Variants in OR1S1 observed in about 807,000 individuals in gnomAD.
OR1S1 encodes the protein olfactory receptor 1S1.
For synonymous variants in OR1S1, 156 were observed against 143.9 expected (o/e 1.08, Z -0.60); for missense variants, 411 against 367.5 (o/e 1.12, Z -0.97).
intron 1 of OR1S1, among the ~76,000 whole-genome samples, chr11:58,214,453 T>C (rs1470887811): frequency 6.6e-6 from 1 of 152,206 alleles, no homozygotes; most frequent in Non-Finnish European, 1.5e-5. Context: ...ATATAACATG[T>C]TTAGAATATA....
rs183774870 is a variant in OR1S1, at chr11:58,215,932, G to A, written c.*210G>A. ...CCATGGTAAGTCACAAGAATAACAC[G>A]CATCCTTAGAGAGTAGATTGGTGGT... On this transcript the variant is annotated 3_prime_UTR_variant, in exon 2 of 2. Transcript: ENST00000641544. The A allele has an allele frequency of 3.5e-4, 211 of 596,182 alleles. No homozygotes were observed. The African/African-American group carries it at 3.5e-3, about 10-fold the overall frequency. 36.9% of individuals were successfully genotyped at this position (596,182 alleles called of 1,614,324 possible).
exon 2 of OR1S1, chr11:58,214,843 G>C (rs1452731987): frequency 4.3e-6 from 7 of 1,614,042 alleles, no homozygotes; most frequent in Middle Eastern, 1.6e-4. Flanking sequence ...TTTTCAAGCA[G>C]GATGAGCATC....
At chr11:58,213,603 C>T (rs1210345420) in intron 1 of OR1S1, among the ~76,000 whole-genome samples, 3 of 152,156 alleles carry the variant, frequency 2.0e-5, no homozygotes, top group African/African-American at 7.2e-5. Flanking sequence ...TTGTTTTAGT[C>T]ATTTTGGTCT....
intron 1 of OR1S1, 108 bp downstream of exon 1, chr11:58,212,945 G>T (rs1854974511): frequency 6.6e-6 from 1 of 152,212 alleles, no homozygotes; most frequent in Non-Finnish European, 1.5e-5. Flanking sequence ...GTAACCACAG[G>T]CCGGTCTGTA....
chr11:58,214,877 T>C (rs1338626298), exon 2 of OR1S1: 2 of 1,614,092 alleles, frequency 1.2e-6, no homozygotes, highest in Admixed American at 3.3e-5. Context: ...TGTGCTTTTC[T>C]TGGGTATGTA....
exon 2 of OR1S1, chr11:58,214,881 G>T (rs149806776): frequency 1.2e-6 from 2 of 1,613,894 alleles, no homozygotes; most frequent in African/African-American, 2.7e-5. Flanking sequence ...CTTTTCTTGG[G>T]TATGTACCTG....
intron 1 of OR1S1, among the ~76,000 whole-genome samples, chr11:58,214,292 A>T (rs1003200946): frequency 2.0e-5 from 3 of 152,216 alleles, no homozygotes; most frequent in Admixed American, 6.5e-5. Context: ...ACAATGGTGT[A>T]CACTGCCATA....
At chr11:58,215,289 G>A (rs1279580768) in exon 2 of OR1S1, 1 of 1,613,310 alleles carries the variant, frequency 6.2e-7, no homozygotes, top group East Asian at 2.2e-5. Context: ...TTGCTCTTCT[G>A]TAACCACAAC....
exon 2 of OR1S1, chr11:58,215,305 C>A: frequency 6.2e-7 from 1 of 1,613,506 alleles, no homozygotes; most frequent in Non-Finnish European, 8.5e-7. Flanking sequence ...ACAACACTCT[C>A]CCACACTTCT....
chr11:58,216,057 G>T, exon 2 of OR1S1: 1 of 235,882 alleles, frequency 4.2e-6, no homozygotes. Context: ...CCTATTGTTT[G>T]ATAAATCATT....
chr11:58,213,588 T>C (rs972257344), intron 1 of OR1S1, among the ~76,000 whole-genome samples: 1 of 152,190 alleles, frequency 6.6e-6, no homozygotes, highest in African/African-American at 2.4e-5. Context: ...TTACTATTGT[T>C]GTTGTTGTTT....
exon 2 of OR1S1, chr11:58,215,075 A>G: frequency 6.2e-7 from 1 of 1,614,168 alleles, no homozygotes; most frequent in Non-Finnish European, 8.5e-7. Flanking sequence ...TGAGAGCTGC[A>G]TCACACAGAT....
rs764281215 is a variant in OR1S1 at position 58,215,162 on chromosome 11, T to C, written c.379T>C (p.Cys127Arg). ...GGCCTATGACCACTTTGTGGCGATC[T>C]GCCACCCTCTGAATTATACAATTCT... Residue 127 changes from cysteine to arginine, a missense_variant, in exon 2 of 2, where the codon TGC becomes CGC. Coordinates refer to ENST00000641544, the Ensembl canonical transcript of OR1S1. 6.8e-6 allele frequency: 11 copies of C among 1,614,056 alleles called. No homozygotes were observed. The East Asian group carries it at 2.5e-4, about 36-fold the overall frequency.
intron 1 of OR1S1, among the ~76,000 whole-genome samples, chr11:58,213,362 G>T (rs1397415193): frequency 6.6e-6 from 1 of 152,062 alleles, no homozygotes; most frequent in Non-Finnish European, 1.5e-5. Context: ...GCCACTTAAG[G>T]TTTTAAAAAT....
At chr11:58,214,591 G>C in intron 1 of OR1S1, 138 bp from the exon 2 acceptor site, 1 of 655,488 alleles carries the variant, frequency 1.5e-6, no homozygotes. Context: ...GCCATGTCCT[G>C]TCTTTTTCTA....
At chr11:58,213,094 A>C (rs1276922308) in intron 1 of OR1S1, among the ~76,000 whole-genome samples, 1 of 152,234 alleles carries the variant, frequency 6.6e-6, no homozygotes, top group Non-Finnish European at 1.5e-5. Flanking sequence ...CTCTGCTTCA[A>C]TCTCTAATGC....
chr11:58,213,462 A>ATGGG (rs1854979063), intron 1 of OR1S1, among the ~76,000 whole-genome samples: 1 of 152,220 alleles, frequency 6.6e-6, no homozygotes, highest in African/African-American at 2.4e-5. Flanking sequence ...AATTCAAAGC[A>ATGGG]TGGGTCCTCC....
At chr11:58,215,892 C>A (rs1162944432) in exon 2 of OR1S1, 2 of 781,650 alleles carry the variant, frequency 2.6e-6, no homozygotes, top group Non-Finnish European at 4.1e-6. Flanking sequence ...GTCTTGGAAA[C>A]AAAACCTGTA....
chr11:58,214,832 T>A (rs776396631), exon 2 of OR1S1: 1 of 1,613,966 alleles, frequency 6.2e-7, no homozygotes, highest in Non-Finnish European at 8.5e-7. Context: ...TCTCCTGGGA[T>A]TTTTCAAGCA....
Sources: gnomAD v4.1 joint callset for allele counts (sites outside exome capture counted in the v4.1 genomes callset) on GRCh38, gnomAD v4.1.1 for gene constraint, MANE v1.5 for transcripts, NCBI Gene and HGNC (gene_info 2026-07-23, HGNC 2026-07-21) for gene names.